The following CFAP47 variants were observed in gnomAD, a reference collection of about 807,000 sequenced individuals.
CFAP47 encodes cilia and flagella associated protein 47, also known as cilia- and flagella-associated protein 47.
CFAP47 carries 29 observed loss-of-function variants against 148.1 expected under a neutral mutation model. That is an observed-to-expected ratio of 0.20 (90% CI 0.15 to 0.27). The LOEUF is 0.27. Ranked by LOEUF, CFAP47 falls within the 10% of genes least tolerant of loss-of-function variation. The pLI is 1.00. For missense variants in CFAP47, 1,872 were observed against 1,697.5 expected, an observed-to-expected ratio of 1.10 and a Z score of -1.81; for synonymous variants, 664 against 577.3, an observed-to-expected ratio of 1.15 and a Z score of -2.15.
chrX:36,157,716 C>G (rs1939385882), intron 37 of CFAP47, among the ~76,000 whole-genome samples: 1 of 109,742 alleles, frequency 9.1e-6, no homozygotes, highest in African/African-American at 3.3e-5. Context: ...ATCTCAGAAA[C>G]CTAAAAGAGT....
At chrX:36,081,046 A>G (rs983858276) in intron 29 of CFAP47, among the ~76,000 whole-genome samples, 2 of 111,944 alleles carry the variant, frequency 1.8e-5, no homozygotes, top group Admixed American at 9.5e-5. Context: ...CAAAGAATCA[A>G]CAAAACCAAA....
rs181315914 is a variant in CFAP47, at chrX:36,021,707, C to T, written c.3556+6795C>T. 5.3e-3 allele frequency among the ~76,000 whole-genome samples: 536 copies of T among 101,549 alleles called. 4 individuals carry two copies. Among genetic ancestry groups the T allele is most frequent in the African/African-American group, 0.019 (513 of 27,537 alleles). The allele number at this position is 101,549 out of a possible 115,157, so 88.2% of individuals were successfully genotyped here. A position where few individuals can be genotyped will look rare whatever the true frequency, so the allele number is the denominator to read the frequency against. On this transcript the variant is annotated intron_variant, in intron 22 of 63. Transcript: ENST00000378653. The stretch of plus-strand genomic sequence containing the variant: ...GACAGGCCACGATGTGTGATGTTCC[C>T]CTCCCTGTGTCCGTGTGTTCTCACT...
At chrX:36,329,926 G>T (rs1556013752) in intron 57 of CFAP47, among the ~76,000 whole-genome samples, 1 of 111,732 alleles carries the variant, frequency 8.9e-6, no homozygotes, top group Non-Finnish European at 1.9e-5. Flanking sequence ...TAAATTAAGA[G>T]CAAGTTCTGG....
At position 35,956,406 on chromosome X, in the gene CFAP47, G is replaced by A. The variant is rs774693101; in HGVS notation, c.1410+210G>A. On this transcript the variant is annotated intron_variant, in intron 8 of 63. Transcript: ENST00000378653. ...CTGTCATGTGCCAGTGAAAGCATTT[G>A]GCACTAGGGAATTTAAAGAAATGCA... Among the ~76,000 whole-genome samples the A allele has an allele frequency of 5.4e-5, 6 of 111,851 alleles. No homozygotes were observed. The South Asian group carries it at 2.2e-3, about 42-fold the overall frequency.
At chrX:36,229,959 C>T (rs1940322767) in intron 46 of CFAP47, among the ~76,000 whole-genome samples, 1 of 105,552 alleles carries the variant, frequency 9.5e-6, no homozygotes, top group Admixed American at 1.0e-4. Flanking sequence ...TTTATGGCTG[C>T]ATAGTATTCC....
intron 57 of CFAP47, among the ~76,000 whole-genome samples, chrX:36,326,058 T>G (rs782688899): frequency 9.0e-6 from 1 of 111,314 alleles, no homozygotes; most frequent in African/African-American, 3.3e-5. Context: ...TGATTTTTTG[T>G]GCTATTTTTC....
At chrX:36,123,054 A>G (rs758191062) in intron 33 of CFAP47, among the ~76,000 whole-genome samples, 2 of 112,369 alleles carry the variant, frequency 1.8e-5, no homozygotes, top group African/African-American at 6.5e-5. Flanking sequence ...GCAGACTCAT[A>G]GAGGTATTGC....
intron 57 of CFAP47, among the ~76,000 whole-genome samples, chrX:36,344,067 A>G (rs1226726826): frequency 1.0e-4 from 10 of 100,457 alleles, no homozygotes; most frequent in Non-Finnish European, 2.0e-4. Context: ...ATTGTGAATA[A>G]TGCCGCAATA....
chrX:36,147,495 G>T (rs755221582), intron 36 of CFAP47, among the ~76,000 whole-genome samples: 9 of 112,424 alleles, frequency 8.0e-5, no homozygotes, highest in Non-Finnish European at 3.8e-5. Context: ...ATAGGAATTA[G>T]CTCTCTGGGA....
chrX:36,012,733 A>G (rs1219027226), intron 21 of CFAP47, among the ~76,000 whole-genome samples: 2 of 111,587 alleles, frequency 1.8e-5, no homozygotes, highest in African/African-American at 3.3e-5. Flanking sequence ...TAAAACCTAG[A>G]TGACGGGTTG....
chrX:36,299,792 C>T (rs1215831045), intron 52 of CFAP47, among the ~76,000 whole-genome samples: 3 of 111,571 alleles, frequency 2.7e-5, no homozygotes, highest in African/African-American at 9.8e-5. Flanking sequence ...AATGTAACAT[C>T]CTTCAGAATA....
Position 36,129,348 on chromosome X carries a change from A to G in CFAP47, c.5321-8610A>G, listed in dbSNP as rs188350918. On this transcript the variant is annotated intron_variant, in intron 33 of 63. Coordinates refer to ENST00000378653, the MANE Select transcript of CFAP47 (RefSeq NM_001304548.2). Reference sequence around the variant, plus strand: ...TTCTGTTTTAATTCAGTCTTTCTCCATAGCAATTTTTATCTTGATACTGAA... The same window carrying G: ...TTCTGTTTTAATTCAGTCTTTCTCCGTAGCAATTTTTATCTTGATACTGAA... Among the ~76,000 whole-genome samples the G allele has an allele frequency of 5.9e-3, 655 of 110,144 alleles. 3 individuals are homozygous for G. The highest frequency in any genetic ancestry group is 1.0e-2 in the Non-Finnish European group (523 of 52,330).
At chrX:36,361,601 T>A in intron 61 of CFAP47, 100 bp downstream of exon 61, 1 of 367,522 alleles carries the variant, frequency 2.7e-6, no homozygotes, top group Non-Finnish European at 4.5e-6. Context: ...TGAATTGCAA[T>A]ACTTATTTAA....
chrX:36,188,771 A>G, intron 41 of CFAP47, 81 bp downstream of exon 41: 1 of 288,640 alleles, frequency 3.5e-6, no homozygotes, highest in East Asian at 4.9e-5. Flanking sequence ...GAGATATTCA[A>G]CAGGGATGGT....
chrX:36,189,634 G>A (rs1555986197), intron 41 of CFAP47, among the ~76,000 whole-genome samples: 1 of 111,672 alleles, frequency 9.0e-6, no homozygotes, highest in Non-Finnish European at 1.9e-5. Context: ...GATAAATGGA[G>A]CTCTATGGCA....
At chrX:35,986,528 A>G (rs1165167993) in intron 15 of CFAP47, among the ~76,000 whole-genome samples, 1 of 109,535 alleles carries the variant, frequency 9.1e-6, no homozygotes, top group Non-Finnish European at 1.9e-5. Context: ...CAAGGTTCTT[A>G]GCTTCCTTGC....
chrX:36,341,277 T>C (rs1410318765), intron 57 of CFAP47, among the ~76,000 whole-genome samples: 1 of 110,603 alleles, frequency 9.0e-6, no homozygotes, highest in Non-Finnish European at 1.9e-5. Flanking sequence ...CCTTGTGATC[T>C]GCCCGCCTCG....
intron 2 of CFAP47, among the ~76,000 whole-genome samples, chrX:35,936,262 C>T (rs982122895): frequency 1.8e-5 from 2 of 111,468 alleles, no homozygotes; most frequent in Admixed American, 9.6e-5. Context: ...TTCCATTTCA[C>T]TCATTTTATC....
intron 45 of CFAP47, among the ~76,000 whole-genome samples, chrX:36,207,286 G>A (rs782537213): frequency 1.1e-4 from 12 of 111,309 alleles, no homozygotes; most frequent in Admixed American, 2.9e-4. Flanking sequence ...AATAAATATG[G>A]CAATATTGAA....
Sources: gnomAD v4.1 joint callset for allele counts (sites outside exome capture counted in the v4.1 genomes callset) on GRCh38, gnomAD v4.1.1 for gene constraint, MANE v1.5 for transcripts, NCBI Gene and HGNC (gene_info 2026-07-23, HGNC 2026-07-21) for gene names.